The following ADCY9 variants were observed in gnomAD, a reference collection of about 807,000 sequenced individuals.
ADCY9 encodes adenylate cyclase type 9.
ADCY9 carries 50 observed loss-of-function variants against 101.5 expected under a neutral mutation model. The ratio of observed to expected loss-of-function variants is 0.49; its 90% CI spans 0.39 to 0.62. The LOEUF is 0.62. Among genes scored for constraint, ADCY9 ranks in the 20% least tolerant of loss-of-function variants. The probability of loss-of-function intolerance (pLI) is 0.00; values close to 1 mark genes in which losing one functional copy is unlikely to be tolerated. For missense variants in ADCY9, 1,662 were observed against 1,800.4 expected, an observed-to-expected ratio of 0.92 and a Z score of 1.39; for synonymous variants, 905 against 769.3, an observed-to-expected ratio of 1.18 and a Z score of -2.92.
intron 2 of ADCY9, among the ~76,000 whole-genome samples, chr16:4,086,871 G>A (rs1051232989): frequency 2.0e-5 from 3 of 151,666 alleles, no homozygotes; most frequent in African/African-American, 4.8e-5. Flanking sequence ...TGTTTCCCAA[G>A]CTGATCTCAA....
In ADCY9 at chr16:4,114,999, G is replaced by C. The variant is rs1299802073; in HGVS notation, c.444C>G (p.Pro148=). Residue 148 remains proline (P), a synonymous_variant, in exon 2 of 11, where the codon CCC becomes CCG. Coordinates refer to ENST00000294016, the MANE Select transcript of ADCY9 (RefSeq NM_001116.4). The surrounding 1 kb of genome is among the most constrained non-coding windows in gnomAD (Gnocchi z 4.3). ...CACACACCAGGAGGAAGCACAGCGC[G>C]GGGGCGACCATGACGATCAGTCTGG... ...MRSRLIVMVA[P]ALCFLLVCVG... 7 of 1,614,084 alleles carry C rather than the reference G, an allele frequency of 4.3e-6. No homozygotes were observed. Among genetic ancestry groups the C allele is most frequent in the Admixed American group, 1.7e-5 (1 of 60,022 alleles).
intron 2 of ADCY9, among the ~76,000 whole-genome samples, chr16:4,070,051 T>C (rs2056823989): frequency 1.3e-5 from 2 of 152,140 alleles, no homozygotes; most frequent in Admixed American, 1.3e-4. Context: ...TGAGTTAAGA[T>C]TGCGCTACTG....
chr16:4,024,422 A>T (rs2141744649), intron 2 of ADCY9, among the ~76,000 whole-genome samples: 1 of 152,328 alleles, frequency 6.6e-6, no homozygotes, highest in South Asian at 2.1e-4. Flanking sequence ...ACTTCTCCTA[A>T]CGTGAATGTC....
At chr16:4,057,052 C>CA (rs1491206361) in intron 2 of ADCY9, among the ~76,000 whole-genome samples, 1 of 135,186 alleles carries the variant, frequency 7.4e-6, no homozygotes, top group African/African-American at 3.0e-5. Context: ...CCCCCCCCCC[C>CA]GCCAATCTTA....
chr16:3,961,245 C>T (rs183283406), downstream of ADCY9, among the ~76,000 whole-genome samples: 145 of 151,920 alleles, frequency 9.5e-4, no homozygotes, highest in Admixed American at 2.0e-3. Flanking sequence ...CCCAGGAGTT[C>T]GAGAACAGCC....
intron 2 of ADCY9, among the ~76,000 whole-genome samples, chr16:4,074,485 A>G (rs1416412133): frequency 6.6e-6 from 1 of 151,428 alleles, no homozygotes; most frequent in African/African-American, 2.4e-5. Context: ...ACTTGAGGCC[A>G]GGAGTTCAAG....
chr16:3,974,741 T>A, intron 9 of ADCY9, 31 bp from the exon 10 acceptor site: 1 of 1,591,914 alleles, frequency 6.3e-7, no homozygotes, highest in Non-Finnish European at 8.6e-7. Context: ...AATATTATCA[T>A]AAAGAGCAAA....
intron 2 of ADCY9, among the ~76,000 whole-genome samples, chr16:4,056,720 G>C (rs894790800): frequency 1.3e-5 from 2 of 152,212 alleles, no homozygotes; most frequent in Non-Finnish European, 2.9e-5. Flanking sequence ...TCTGCATCAT[G>C]GGCACTCAGC....
intron 2 of ADCY9, among the ~76,000 whole-genome samples, chr16:4,015,844 G>A (rs1002114015): frequency 1.3e-5 from 2 of 152,024 alleles, no homozygotes; most frequent in African/African-American, 4.8e-5. Context: ...GCAGGTGCCT[G>A]TAAGTCCCAG....
chr16:4,106,291 A>G (rs1001956472), intron 2 of ADCY9, among the ~76,000 whole-genome samples: 3 of 152,188 alleles, frequency 2.0e-5, no homozygotes, highest in Non-Finnish European at 4.4e-5. Context: ...CTACAAGAAT[A>G]TCACTGCTGT....
chr16:3,979,827 C>A (rs1015173092), intron 7 of ADCY9, among the ~76,000 whole-genome samples: 11 of 152,266 alleles, frequency 7.2e-5, no homozygotes, highest in Admixed American at 1.3e-4. Flanking sequence ...CCCCTGGGCA[C>A]CTGCAAAGGC....
intron 9 of ADCY9, among the ~76,000 whole-genome samples, chr16:3,976,253 A>C (rs2056091754): frequency 1.3e-5 from 2 of 152,158 alleles, no homozygotes; most frequent in Admixed American, 1.3e-4. Context: ...CAGCCTCCCA[A>C]AAGTGGTAGG....
Position 4,018,200 on chromosome 16 carries a change from C to A in ADCY9, c.1694-10642G>T, listed in dbSNP as rs140998630. Among the ~76,000 whole-genome samples the A allele has an allele frequency of 5.6e-3, 853 of 150,992 alleles. 8 individuals are homozygous for A. Among genetic ancestry groups the A allele is most frequent in the African/African-American group, 0.019 (802 of 41,260 alleles). On this transcript the variant is annotated intron_variant, in intron 2 of 10. Transcript: ENST00000294016. Reference sequence around the variant, plus strand: ...CATGCAAAGGAAAAGCTCTAAGTTGCGGAATATTCTTCTCTTTTTTTTTTT... The same window carrying A: ...CATGCAAAGGAAAAGCTCTAAGTTGAGGAATATTCTTCTCTTTTTTTTTTT...
At chr16:3,970,345 CTTTTT>C (rs1322796254) in intron 10 of ADCY9, among the ~76,000 whole-genome samples, 1 of 150,658 alleles carries the variant, frequency 6.6e-6, no homozygotes, top group Non-Finnish European at 1.5e-5. Flanking sequence ...CTCAATTCTT[CTTTTT>C]TCTTTCTTGC....
chr16:4,030,567 G>A (rs2056548744), intron 2 of ADCY9, among the ~76,000 whole-genome samples: 1 of 152,100 alleles, frequency 6.6e-6, no homozygotes, highest in African/African-American at 2.4e-5. Flanking sequence ...GCCAGGCATG[G>A]TGGTGGGTGC....
At chr16:4,047,460 C>T (rs1437329922) in intron 2 of ADCY9, among the ~76,000 whole-genome samples, 3 of 140,138 alleles carry the variant, frequency 2.1e-5, no homozygotes, top group African/African-American at 3.3e-5. Flanking sequence ...ACAGCTGTTA[C>T]GAAGACATTA....
chr16:4,094,432 G>A, intron 2 of ADCY9, among the ~76,000 whole-genome samples: 1 of 152,182 alleles, frequency 6.6e-6, no homozygotes, highest in East Asian at 1.9e-4. Context: ...CAAATGTCAT[G>A]TGGCTTTCCA....
At chr16:3,979,450 G>A (rs2056122114) in intron 7 of ADCY9, among the ~76,000 whole-genome samples, 175 bp from the exon 8 acceptor site, 2 of 152,258 alleles carry the variant, frequency 1.3e-5, no homozygotes, top group African/African-American at 4.8e-5. Flanking sequence ...TTGGTAGAAG[G>A]CAAGGAAGCC....
intron 2 of ADCY9, among the ~76,000 whole-genome samples, chr16:4,065,442 TCTC>T (rs1381850536): frequency 6.6e-6 from 1 of 152,346 alleles, no homozygotes; most frequent in Admixed American, 6.5e-5. Context: ...GCATCATTCA[TCTC>T]CTCTCAAGAT....
Sources: gnomAD v4.1 joint callset for allele counts (sites outside exome capture counted in the v4.1 genomes callset) on GRCh38, gnomAD v4.1.1 for gene constraint, Gnocchi (gnomAD v3.1) non-coding constraint, MANE v1.5 for transcripts, NCBI Gene and HGNC (gene_info 2026-07-23, HGNC 2026-07-21) for gene names.